Variants in TET1 observed in about 807,000 individuals in gnomAD.
TET1 encodes the protein methylcytosine dioxygenase TET1.
Under a neutral mutation model 148.7 loss-of-function variants are expected in TET1, and 13 were observed. That is an observed-to-expected ratio of 0.09 (90% CI 0.06 to 0.14). The LOEUF (loss-of-function observed/expected upper bound fraction) is 0.14, where lower values mean the gene tolerates loss of function less well. Ranked by LOEUF, TET1 falls within the 10% of genes least tolerant of loss-of-function variation. The pLI is 1.00. For synonymous variants in TET1, 907 were observed against 937.2 expected (o/e 0.97, Z 0.59); for missense variants, 2,182 against 2,553.8 (o/e 0.85, Z 3.14).
At chr10:68,565,710 C>T (rs964726773) in intron 1 of TET1, among the ~76,000 whole-genome samples, 5 of 152,044 alleles carry the variant, frequency 3.3e-5, no homozygotes, top group African/African-American at 1.2e-4. Context: ...AAACTTACTG[C>T]CCCTACTCCG....
At chr10:68,587,440 T>C (rs2053872946) in intron 2 of TET1, among the ~76,000 whole-genome samples, 1 of 152,182 alleles carries the variant, frequency 6.6e-6, no homozygotes, top group East Asian at 1.9e-4. Context: ...TATTACAGAA[T>C]TGCAGGGAGA....
At chr10:68,593,444 T>C (rs1455908571) in intron 2 of TET1, among the ~76,000 whole-genome samples, 1 of 152,022 alleles carries the variant, frequency 6.6e-6, no homozygotes, top group East Asian at 1.9e-4. Flanking sequence ...AAAAAATTTT[T>C]AATTTTTTCA....
In TET1 at chr10:68,691,974, C is replaced by A; in HGVS notation, c.*160C>A. 1.2e-6 allele frequency: 1 copy of A among 821,162 alleles called. No individual in the cohort carries two copies. The highest frequency in any genetic ancestry group is 1.8e-6 in the Non-Finnish European group (1 of 546,418). The allele number at this position is 821,162 out of a possible 1,614,324, so 50.9% of individuals were successfully genotyped here. A position where few individuals can be genotyped will look rare whatever the true frequency, so the allele number is the denominator to read the frequency against. ...AACAAAACGGGGTGGGTATTCTTAA[C>A]TGTGACTATATTTTGACAATTGGTA... On this transcript the variant is annotated 3_prime_UTR_variant, in exon 12 of 12. Transcript: ENST00000373644. This position sits in a 1 kb window ranked among gnomAD's most constrained non-coding sequence, Gnocchi z 4.4.
chr10:68,684,945 A>G lies in TET1; in HGVS notation c.5053-1411A>G, dbSNP rs578008708. The stretch of plus-strand genomic sequence containing the variant: ...TATTATTAGTTATGAACAGATTACC[A>G]CCATGACAGTTTAATATTGCAGGCT... On this transcript the variant is annotated intron_variant, in intron 10 of 11. Coordinates refer to ENST00000373644, the MANE Select transcript of TET1 (RefSeq NM_030625.3). 3.9e-5 allele frequency among the ~76,000 whole-genome samples: 6 copies of G among 152,164 alleles called. No homozygotes were observed. The South Asian group carries it at 1.2e-3, about 32-fold the overall frequency.
chr10:68,616,947 T>C (rs2054299344), intron 3 of TET1, among the ~76,000 whole-genome samples: 1 of 142,178 alleles, frequency 7.0e-6, no homozygotes, highest in Non-Finnish European at 1.5e-5. Context: ...GACCTCGTGA[T>C]CCACCCGCCT....
At chr10:68,649,721 C>G (rs1394160592) in intron 4 of TET1, among the ~76,000 whole-genome samples, 1 of 151,916 alleles carries the variant, frequency 6.6e-6, no homozygotes, top group African/African-American at 2.4e-5. Context: ...AGCTAGACTA[C>G]TTTTTCTATG....
intron 3 of TET1, among the ~76,000 whole-genome samples, chr10:68,627,655 C>T (rs901939160): frequency 1.1e-4 from 16 of 151,518 alleles, no homozygotes; most frequent in African/African-American, 3.6e-4. Context: ...TGGCCGGGCG[C>T]GGTGGCTCAC....
At chr10:68,597,540 G>A (rs548378514) in intron 2 of TET1, among the ~76,000 whole-genome samples, 15 of 152,260 alleles carry the variant, frequency 9.9e-5, no homozygotes, top group East Asian at 7.7e-4. Context: ...AAAATGGTGC[G>A]GCTGCTATGG....
Position 68,613,824 on chromosome 10 carries a change from G to C in TET1, c.1968+12790G>C, listed in dbSNP as rs1194822105. 2.0e-5 allele frequency among the ~76,000 whole-genome samples: 3 copies of C among 152,018 alleles called. No individual in the cohort carries two copies. The East Asian group carries it at 5.8e-4, about 29-fold the overall frequency. ...ATGGTGGTACGCACCTGTAATCCCAGCTACTCAGGAGGCTGAGGCAGGAGA... is the reference window on the plus strand; with the variant it reads ...ATGGTGGTACGCACCTGTAATCCCACCTACTCAGGAGGCTGAGGCAGGAGA... On this transcript the variant is annotated intron_variant, in intron 3 of 11. Transcript: ENST00000373644.
chr10:68,686,730 ATC>A, intron 11 of TET1, 23 bp downstream of exon 11: 2 of 1,588,914 alleles, frequency 1.3e-6, no homozygotes, highest in Non-Finnish European at 1.7e-6. Flanking sequence ...GAACCTGGTA[ATC>A]TCTGCACAAC....
Position 68,572,262 on chromosome 10 carries a change from C to A in TET1, c.-77C>A, listed in dbSNP as rs2053678541. The A allele has an allele frequency of 1.6e-6, 2 of 1,281,814 alleles. No homozygotes were observed. Among genetic ancestry groups the A allele is most frequent in the South Asian group, 1.6e-5 (1 of 63,640 alleles). 79.4% of individuals were successfully genotyped at this position (1,281,814 alleles called of 1,614,324 possible). On this transcript the variant is annotated 5_prime_UTR_variant, in exon 2 of 12. Transcript: ENST00000373644. ...AGCTGAAGAGCAGTGCATCCAGATT[C>A]TCCTCAGAAGTGAGACTTTCCAAAG... is the stretch of plus-strand genomic sequence containing the variant.
chr10:68,602,262 C>G (rs1396041769), intron 3 of TET1, among the ~76,000 whole-genome samples: 1 of 152,152 alleles, frequency 6.6e-6, no homozygotes. Flanking sequence ...GTAAATTAAA[C>G]CCTTTTCTGT....
At chr10:68,613,752 C>T (rs1207680731) in intron 3 of TET1, among the ~76,000 whole-genome samples, 2 of 152,116 alleles carry the variant, frequency 1.3e-5, no homozygotes. Flanking sequence ...GCCTAGCCAA[C>T]ATGGTGAAAC....
chr10:68,603,010 T>TA (rs1265775043), intron 3 of TET1, among the ~76,000 whole-genome samples: 1 of 150,668 alleles, frequency 6.6e-6, no homozygotes, highest in Non-Finnish European at 1.5e-5. Context: ...ATAGAAGACA[T>TA]AAAAAAAATG....
intron 2 of TET1, among the ~76,000 whole-genome samples, chr10:68,582,394 C>T (rs1450096376): frequency 6.6e-6 from 1 of 152,110 alleles, no homozygotes; most frequent in African/African-American, 2.4e-5. Flanking sequence ...CCGCACCTGG[C>T]CTTAGATGAC....
chr10:68,633,497 T>C (rs1386881430), intron 3 of TET1, among the ~76,000 whole-genome samples: 2 of 152,144 alleles, frequency 1.3e-5, no homozygotes, highest in African/African-American at 4.8e-5. Flanking sequence ...CCCTTCCACT[T>C]TAGCCTCCTG....
chr10:68,582,758 T>C (rs1431792898), intron 2 of TET1, among the ~76,000 whole-genome samples: 2 of 152,198 alleles, frequency 1.3e-5, no homozygotes, highest in African/African-American at 2.4e-5. Flanking sequence ...ATATGGCATA[T>C]GGAACAAATT....
intron 4 of TET1, among the ~76,000 whole-genome samples, chr10:68,648,569 G>T (rs971704798): frequency 1.3e-5 from 2 of 152,186 alleles, no homozygotes; most frequent in Non-Finnish European, 2.9e-5. Context: ...AAAGACTCAA[G>T]ATTTGCCTTG....
intron 2 of TET1, among the ~76,000 whole-genome samples, chr10:68,580,538 G>A (rs980597110): frequency 2.0e-5 from 3 of 149,982 alleles, no homozygotes; most frequent in Admixed American, 6.6e-5. Flanking sequence ...CTAGCACTTC[G>A]GGAGGCCAAG....
Sources: gnomAD v4.1 joint callset for allele counts (sites outside exome capture counted in the v4.1 genomes callset) on GRCh38, gnomAD v4.1.1 for gene constraint, Gnocchi (gnomAD v3.1) non-coding constraint, MANE v1.5 for transcripts, NCBI Gene and HGNC (gene_info 2026-07-23, HGNC 2026-07-21) for gene names.